The following C16orf96 variants were observed in gnomAD, a reference collection of about 807,000 sequenced individuals.
C16orf96 encodes the protein chromosome 16 open reading frame 96.
In C16orf96, 108 loss-of-function variants were observed where a neutral mutation model predicts 103.6. The observed-to-expected ratio is 1.04, with a 90% CI of 0.89 to 1.22. The LOEUF (loss-of-function observed/expected upper bound fraction) is 1.22. Ranked by LOEUF, C16orf96 falls within the 50% of genes most tolerant of loss-of-function variation. The pLI is 0.00. For missense variants in C16orf96, 1,586 were observed against 1,464.2 expected (o/e 1.08, Z -1.36); for synonymous variants, 566 against 593.5 (o/e 0.95, Z 0.67).
chr16:4,543,433 T>C, the C16orf96 span, among the ~76,000 whole-genome samples: 1 of 152,104 alleles, frequency 6.6e-6, no homozygotes, highest in Non-Finnish European at 1.5e-5. Flanking sequence ...GGTGATGTAA[T>C]GTTGAGAATT....
At chr16:4,576,669 G>A (rs1404269963) in intron 5 of C16orf96, 34 bp downstream of exon 5, 1 of 1,515,472 alleles carries the variant, frequency 6.6e-7, no homozygotes. Flanking sequence ...AGGGCACAAG[G>A]GAGTGGGGCT....
At chr16:4,591,626 A>G in intron 9 of C16orf96, 40 bp from the exon 10 acceptor site, 1 of 1,484,198 alleles carries the variant, frequency 6.7e-7, no homozygotes, top group Non-Finnish European at 9.2e-7. Flanking sequence ...GTGTGAATTC[A>G]TAGAGTATTC....
intron 4 of C16orf96, 23 bp from the exon 5 acceptor site, chr16:4,575,151 C>G: frequency 6.5e-7 from 1 of 1,544,056 alleles, no homozygotes; most frequent in Non-Finnish European, 8.7e-7. Flanking sequence ...GCCAGCAGAG[C>G]CCCTCTGCCC....
At chr16:4,589,007 C>T (rs974374953) in intron 9 of C16orf96, among the ~76,000 whole-genome samples, 2 of 152,090 alleles carry the variant, frequency 1.3e-5, no homozygotes, top group Admixed American at 6.6e-5. Context: ...TGTGACTCCT[C>T]TAGACACTTC....
rs140406650 is a variant in C16orf96 at position 4,588,270 on chromosome 16, C to T, written c.2531C>T (p.Thr844Met). The T allele has an allele frequency of 1.1e-3, 1,736 of 1,551,690 alleles. 2 individuals are homozygous for T. The highest frequency in any genetic ancestry group is 1.4e-3 in the Non-Finnish European group (1,573 of 1,146,984). The change falls in exon 9 of 16, where the codon ACG becomes ATG. Residue 844 changes from threonine to methionine, a missense_variant. Coordinates refer to ENST00000444310, the MANE Select transcript of C16orf96 (RefSeq NM_001145011.2). ...EMIQGILFKV[T>M]IHEDSWKKAM... ...ATTCAGGGCATACTCTTCAAGGTCA[C>T]GATCCATGAGGACAGCTGGAAGAAG...
intron 9 of C16orf96, among the ~76,000 whole-genome samples, chr16:4,588,711 T>C (rs1896987864): frequency 6.7e-6 from 1 of 148,936 alleles, no homozygotes; most frequent in African/African-American, 2.5e-5. Context: ...CTTTTTTTTT[T>C]TTTTTTTTTT....
At chr16:4,574,638 A>C in intron 2 of C16orf96, 71 bp from the exon 3 acceptor site, 1 of 1,267,028 alleles carries the variant, frequency 7.9e-7, no homozygotes, top group South Asian at 1.3e-5. Context: ...TTAGTCACCT[A>C]GAGCCACGGG....
Position 4,571,556 on chromosome 16 carries a change from T to C in C16orf96, c.421-5T>C. ...GGCTTCACATTTTCTCCTCCTCTTT[T>C]GCAGTCAATGCAGACCCTGCAGGAC... On this transcript the variant is annotated splice_region_variant and splice_polypyrimidine_tract_variant and intron_variant, in intron 1 of 15. Coordinates refer to ENST00000444310, the MANE Select transcript of C16orf96 (RefSeq NM_001145011.2). The C allele has an allele frequency of 6.4e-7, 1 of 1,551,356 alleles. No individual in the cohort carries two copies. The highest frequency in any genetic ancestry group is 1.2e-5 in the South Asian group (1 of 83,956).
At chr16:4,597,554 T>C (rs1321948665) in intron 14 of C16orf96, among the ~76,000 whole-genome samples, 3 of 151,276 alleles carry the variant, frequency 2.0e-5, no homozygotes, top group Admixed American at 6.6e-5. Flanking sequence ...CGTCAACTGC[T>C]TCATCTTTTT....
intron 14 of C16orf96, among the ~76,000 whole-genome samples, chr16:4,596,708 ACAG>A (rs1567136541): frequency 2.0e-5 from 3 of 152,098 alleles, no homozygotes; most frequent in East Asian, 1.9e-4. Context: ...ACAAACAAAA[ACAG>A]AACAGAACAA....
the C16orf96 span, among the ~76,000 whole-genome samples, chr16:4,539,787 G>T: frequency 6.6e-6 from 1 of 152,104 alleles, no homozygotes; most frequent in East Asian, 1.9e-4. Context: ...TATCACTATT[G>T]TAAAACCTAA....
chr16:4,540,323 A>G, the C16orf96 span, among the ~76,000 whole-genome samples: 7 of 152,310 alleles, frequency 4.6e-5, no homozygotes, highest in South Asian at 2.1e-4. Context: ...TTGAAAAGAC[A>G]TTCTATTCTG....
At chr16:4,586,414 C>T (rs539548611) in intron 7 of C16orf96, among the ~76,000 whole-genome samples, 15 of 152,312 alleles carry the variant, frequency 9.8e-5, no homozygotes, top group African/African-American at 3.4e-4. Context: ...TAAGCGTGAG[C>T]GGGACACCCG....
the C16orf96 span, among the ~76,000 whole-genome samples, chr16:4,544,332 G>A: frequency 0.015 from 2,267 of 152,218 alleles, 59 homozygotes; most frequent in African/African-American, 0.051. Context: ...CTGGCTGGAC[G>A]CAATGGCTCA....
intron 1 of C16orf96, among the ~76,000 whole-genome samples, chr16:4,559,558 A>G (rs113175981): frequency 6.6e-6 from 1 of 151,284 alleles, no homozygotes; most frequent in Non-Finnish European, 1.5e-5. Context: ...CTCAAAAAAA[A>G]AAAATTAAAA....
chr16:4,542,088 C>G, the C16orf96 span, among the ~76,000 whole-genome samples: 6 of 152,212 alleles, frequency 3.9e-5, no homozygotes, highest in African/African-American at 1.4e-4. Context: ...CAGAAATTTC[C>G]AGGCTGGTCC....
chr16:4,581,801 A>G (rs117837409), intron 7 of C16orf96, among the ~76,000 whole-genome samples: 4,214 of 151,992 alleles, frequency 0.028, 92 homozygotes, highest in Non-Finnish European at 0.046. Context: ...AAAAAAAATT[A>G]TAAAATTAGC....
the C16orf96 span, chr16:4,538,813 C>G: frequency 6.6e-6 from 1 of 152,200 alleles, no homozygotes; most frequent in Non-Finnish European, 1.5e-5. Flanking sequence ...AGGGCCGAGG[C>G]CCGGGACGTC....
intron 7 of C16orf96, among the ~76,000 whole-genome samples, chr16:4,582,833 C>G (rs978101545): frequency 6.6e-6 from 1 of 152,292 alleles, no homozygotes; most frequent in East Asian, 1.9e-4. Flanking sequence ...GTAGTTGTCA[C>G]TTATTAGAAA....
Sources: allele counts gnomAD v4.1 joint callset (sites outside exome capture counted in the v4.1 genomes callset), GRCh38; gene constraint gnomAD v4.1.1; transcripts MANE v1.5; gene names NCBI Gene and HGNC (gene_info 2026-07-23, HGNC 2026-07-21).